Variants in THSD7B observed in about 807,000 individuals in gnomAD.
The protein encoded by THSD7B is thrombospondin type-1 domain-containing protein 7B.
Under a neutral mutation model 213.6 loss-of-function variants are expected in THSD7B, and 138 were observed. The ratio of observed to expected loss-of-function variants is 0.65; its 90% CI spans 0.56 to 0.74. The LOEUF is 0.74. THSD7B is among the 30% of genes least tolerant of loss of function. THSD7B has a pLI of 0.00. For missense variants in THSD7B, 1,931 were observed against 1,991.5 expected (o/e 0.97, Z 0.58); for synonymous variants, 742 against 687.0 (o/e 1.08, Z -1.25).
chr2:137,201,283 A>G (rs924173540), intron 7 of THSD7B, among the ~76,000 whole-genome samples: 6 of 152,066 alleles, frequency 3.9e-5, no homozygotes, highest in Non-Finnish European at 8.8e-5. Context: ...GTGCATGTGC[A>G]TGTGTGCACA....
At chr2:137,619,331 G>A (rs1054980133) in intron 19 of THSD7B, among the ~76,000 whole-genome samples, 9 of 152,202 alleles carry the variant, frequency 5.9e-5, no homozygotes, top group African/African-American at 2.2e-4. Flanking sequence ...ATACATCAGT[G>A]GGAATTAAAA....
chr2:136,817,184 A>G (rs1682489485), intron 1 of THSD7B, among the ~76,000 whole-genome samples: 1 of 152,168 alleles, frequency 6.6e-6, no homozygotes, highest in Admixed American at 6.6e-5. Context: ...GCTTCCCTTT[A>G]AGAGTAGAAC....
intron 15 of THSD7B, among the ~76,000 whole-genome samples, chr2:137,489,016 AT>A (rs1156312703): frequency 6.6e-6 from 1 of 152,144 alleles, no homozygotes; most frequent in African/African-American, 2.4e-5. Flanking sequence ...ACACTTGTTA[AT>A]TTTCTATACT....
chr2:137,380,987 G>A (rs1033385891), intron 12 of THSD7B, among the ~76,000 whole-genome samples: 7 of 152,236 alleles, frequency 4.6e-5, no homozygotes, highest in Non-Finnish European at 2.9e-5. Flanking sequence ...CCCAGAGAGA[G>A]AGTAAAACCA....
At chr2:137,202,648 A>G (rs570587453) in intron 7 of THSD7B, among the ~76,000 whole-genome samples, 1 of 152,292 alleles carries the variant, frequency 6.6e-6, no homozygotes, top group South Asian at 2.1e-4. Context: ...GTAATTTGTT[A>G]TAGCAGCTTT....
At chr2:137,295,064 C>T (rs980894588) in intron 12 of THSD7B, among the ~76,000 whole-genome samples, 4 of 152,058 alleles carry the variant, frequency 2.6e-5, no homozygotes, top group African/African-American at 9.7e-5. Flanking sequence ...TTCCTCTCCC[C>T]CTGTATCTCT....
intron 12 of THSD7B, among the ~76,000 whole-genome samples, chr2:137,297,794 G>A (rs543811700): frequency 2.6e-5 from 4 of 152,074 alleles, no homozygotes; most frequent in African/African-American, 7.2e-5. Flanking sequence ...CTCTCTTGCC[G>A]CTGCCATGTA....
At chr2:137,303,253 T>C (rs999040100) in intron 12 of THSD7B, among the ~76,000 whole-genome samples, 1 of 152,166 alleles carries the variant, frequency 6.6e-6, no homozygotes, top group African/African-American at 2.4e-5. Context: ...AATTCTTGGC[T>C]TCAAGCCATA....
rs1337149279 is a variant in THSD7B, at chr2:137,104,096, A to G, written c.1199+8975A>G. On this transcript the variant is annotated intron_variant, in intron 4 of 27. Transcript: ENST00000409968. ...GAATATACATTCTTCTCAGCACCACATCACACTTATTCTAAAATTGACCAT... is the reference window on the plus strand; with the variant it reads ...GAATATACATTCTTCTCAGCACCACGTCACACTTATTCTAAAATTGACCAT... Among the ~76,000 whole-genome samples the G allele has an allele frequency of 2.6e-5, 4 of 152,206 alleles. No homozygotes were observed. The East Asian group carries it at 7.7e-4, about 29-fold the overall frequency.
At chr2:137,633,168 T>C (rs998943503) in intron 20 of THSD7B, among the ~76,000 whole-genome samples, 1 of 152,200 alleles carries the variant, frequency 6.6e-6, no homozygotes, top group Non-Finnish European at 1.5e-5. Context: ...TAAAATAAAC[T>C]TGGATAAAAA....
chr2:137,386,020 T>A (rs546050230), intron 12 of THSD7B, among the ~76,000 whole-genome samples: 2 of 152,314 alleles, frequency 1.3e-5, no homozygotes, highest in African/African-American at 2.4e-5. Context: ...ATTATACATA[T>A]GAGAAGTCTT....
At chr2:137,676,326 T>C (rs1164848476) in intron 27 of THSD7B, among the ~76,000 whole-genome samples, 198 bp from the exon 28 acceptor site, 1 of 152,200 alleles carries the variant, frequency 6.6e-6, no homozygotes, top group African/African-American at 2.4e-5. Context: ...AATTTTAAGA[T>C]TGTGAAAAAT....
chr2:136,932,891 T>G (rs1684654578), intron 2 of THSD7B, among the ~76,000 whole-genome samples: 1 of 152,114 alleles, frequency 6.6e-6, no homozygotes, highest in Non-Finnish European at 1.5e-5. Context: ...ATAGCTTCCC[T>G]TTCAGGCCAC....
intron 17 of THSD7B, among the ~76,000 whole-genome samples, chr2:137,605,753 C>T (rs1236841503): frequency 2.1e-5 from 3 of 143,818 alleles, no homozygotes. Flanking sequence ...ACTGCAACTT[C>T]CGCATCCCTG....
intron 20 of THSD7B, 28 bp downstream of exon 20, chr2:137,620,754 A>G (rs1407412807): frequency 6.4e-7 from 1 of 1,561,166 alleles, no homozygotes; most frequent in Non-Finnish European, 8.8e-7. Context: ...TTTCCCACTA[A>G]CTAGTGTAGG....
chr2:136,983,298 C>G (rs1405922559), intron 2 of THSD7B, among the ~76,000 whole-genome samples: 1 of 146,894 alleles, frequency 6.8e-6, no homozygotes, highest in African/African-American at 2.5e-5. Flanking sequence ...TGCACAGCAG[C>G]TTTACTAATG....
intron 17 of THSD7B, among the ~76,000 whole-genome samples, chr2:137,592,292 G>A (rs115267908): frequency 6.6e-6 from 1 of 151,532 alleles, no homozygotes; most frequent in East Asian, 1.9e-4. Flanking sequence ...TTTGTATTTT[G>A]TCAATATAAC....
intron 5 of THSD7B, among the ~76,000 whole-genome samples, chr2:137,129,229 A>G (rs1458120375): frequency 1.3e-5 from 2 of 152,130 alleles, no homozygotes; most frequent in East Asian, 1.9e-4. Flanking sequence ...ATCAATCAGT[A>G]TACTCTCTTC....
In THSD7B at chr2:137,659,735, T is replaced by C; in HGVS notation, c.4447T>C (p.Tyr1483His). ...CIPACRKPFS[Y>H]CTQGGVCGCE... ...TCCAGCCTGCAGAAAACCTTTCTCC[T>C]ACTGTACACAGGTGAGTCATGTGCT... Residue 1483 changes from tyrosine to histidine, a missense_variant, in exon 25 of 28, where the codon TAC becomes CAC. Coordinates refer to ENST00000409968, the MANE Select transcript of THSD7B (RefSeq NM_001316349.2). The C allele has an allele frequency of 6.2e-7, 1 of 1,602,538 alleles. No individual in the cohort carries two copies. Among genetic ancestry groups the C allele is most frequent in the Non-Finnish European group, 8.5e-7 (1 of 1,174,188 alleles).
Sources: gnomAD v4.1 joint callset for allele counts (sites outside exome capture counted in the v4.1 genomes callset) on GRCh38, gnomAD v4.1.1 for gene constraint, MANE v1.5 for transcripts, NCBI Gene and HGNC (gene_info 2026-07-23, HGNC 2026-07-21) for gene names.